TAFA4: variants seen among roughly 807,000 people sequenced by gnomAD.
The protein encoded by TAFA4 is TAFA chemokine like family member 4.
Under a neutral mutation model 21.1 loss-of-function variants are expected in TAFA4, and 20 were observed. The observed-to-expected ratio is 0.95, with a 90% CI of 0.67 to 1.38. TAFA4 has a LOEUF of 1.38. Among genes scored for constraint, TAFA4 ranks in the 40% most tolerant of loss-of-function variants. The pLI, the probability that TAFA4 is intolerant of heterozygous loss-of-function variation, is 0.00. For synonymous variants in TAFA4, 71 were observed against 67.4 expected (o/e 1.05, Z -0.26); for missense variants, 211 against 180.9 (o/e 1.17, Z -0.95).
At chr3:68,783,713 AAAAGAAAGAAAGAAAG>A (rs60548305) in intron 3 of TAFA4, among the ~76,000 whole-genome samples, 1 of 80,756 alleles carries the variant, frequency 1.2e-5, no homozygotes, top group Admixed American at 1.3e-4. Context: ...GAGAGAAAGA[AAAAGAAAGAAAGAAAG>A]AAAGAAAGAA....
chr3:68,841,333 A>T (rs966381624), intron 3 of TAFA4, among the ~76,000 whole-genome samples: 5 of 72,612 alleles, frequency 6.9e-5, no homozygotes, highest in East Asian at 2.6e-4. Flanking sequence ...AAAAAAAAAA[A>T]AAATAAAAAA....
At chr3:68,758,003 A>ATCTT (rs1702689231) in intron 3 of TAFA4, among the ~76,000 whole-genome samples, 2 of 152,078 alleles carry the variant, frequency 1.3e-5, no homozygotes, top group Admixed American at 6.5e-5. Flanking sequence ...CTCCGATTTT[A>ATCTT]TCTTTAAGAA....
intron 3 of TAFA4, among the ~76,000 whole-genome samples, chr3:68,759,935 C>T (rs578118444): frequency 5.3e-5 from 8 of 152,108 alleles, no homozygotes; most frequent in Non-Finnish European, 8.8e-5. Context: ...CCAACTCTTA[C>T]GTACAGCATA....
intron 3 of TAFA4, among the ~76,000 whole-genome samples, chr3:68,807,380 C>T (rs1045173324): frequency 6.6e-6 from 1 of 152,146 alleles, no homozygotes; most frequent in Admixed American, 6.6e-5. Context: ...TACCACGCAG[C>T]GGAAGCAATG....
At chr3:68,818,784 A>T (rs1704047094) in intron 3 of TAFA4, among the ~76,000 whole-genome samples, 1 of 152,208 alleles carries the variant, frequency 6.6e-6, no homozygotes, top group African/African-American at 2.4e-5. Context: ...CCCCAAAACA[A>T]TTACAATAGT....
intron 1 of TAFA4, among the ~76,000 whole-genome samples, chr3:68,901,242 A>G (rs1428573293): frequency 1.3e-5 from 2 of 152,078 alleles, no homozygotes; most frequent in Non-Finnish European, 2.9e-5. Flanking sequence ...TTCTATTTTT[A>G]GTTCCAAGAC....
intron 1 of TAFA4, among the ~76,000 whole-genome samples, chr3:68,889,778 G>A (rs1457404854): frequency 1.3e-5 from 2 of 151,968 alleles, no homozygotes; most frequent in African/African-American, 4.8e-5. Context: ...GGTCATGAAA[G>A]ACAAAAAAAA....
chr3:68,855,065 A>G (rs1344118953), intron 3 of TAFA4, among the ~76,000 whole-genome samples: 1 of 152,206 alleles, frequency 6.6e-6, no homozygotes, highest in Non-Finnish European at 1.5e-5. Context: ...AATGATAAGT[A>G]ACAAATGACT....
At chr3:68,915,982 T>C (rs2090000817) in intron 1 of TAFA4, 1 of 152,232 alleles carries the variant, frequency 6.6e-6, no homozygotes, top group Admixed American at 6.5e-5. Context: ...TATTTTTCTA[T>C]CTGCAAAGGC....
chr3:68,766,955 T>C (rs1702865830), intron 3 of TAFA4, among the ~76,000 whole-genome samples: 1 of 152,176 alleles, frequency 6.6e-6, no homozygotes, highest in African/African-American at 2.4e-5. Context: ...CTCATGCTTT[T>C]AAAAGTCTGA....
intron 3 of TAFA4, among the ~76,000 whole-genome samples, chr3:68,879,905 G>GGCAC (rs1303063662): frequency 3.3e-5 from 5 of 152,128 alleles, no homozygotes; most frequent in Admixed American, 2.0e-4. Context: ...AAACATTTCT[G>GGCAC]GCACTGCCAC....
chr3:68,739,301 C>T (rs1338186637), intron 4 of TAFA4, 102 bp from the exon 5 acceptor site: 12 of 1,372,834 alleles, frequency 8.7e-6, no homozygotes, highest in Non-Finnish European at 1.2e-5. Context: ...TCAAAGATTG[C>T]TATTAAATTT....
intron 3 of TAFA4, among the ~76,000 whole-genome samples, chr3:68,787,295 A>G (rs1170960442): frequency 1.3e-5 from 2 of 152,208 alleles, no homozygotes; most frequent in African/African-American, 2.4e-5. Context: ...TACACTCACT[A>G]TTAAAAGCTC....
chr3:68,828,352 C>G (rs527710306), intron 3 of TAFA4, among the ~76,000 whole-genome samples: 1 of 152,240 alleles, frequency 6.6e-6, no homozygotes, highest in African/African-American at 2.4e-5. Context: ...ATTGTCTTGC[C>G]TATACAGGGT....
At chr3:68,806,112 C>G (rs1381562222) in intron 3 of TAFA4, among the ~76,000 whole-genome samples, 1 of 152,036 alleles carries the variant, frequency 6.6e-6, no homozygotes, top group East Asian at 1.9e-4. Flanking sequence ...ATTGTGAACA[C>G]TGTAAAAAGC....
chr3:68,817,080 G>A (rs1380366499), intron 3 of TAFA4, among the ~76,000 whole-genome samples: 1 of 152,162 alleles, frequency 6.6e-6, no homozygotes, highest in African/African-American at 2.4e-5. Flanking sequence ...AGCATGTGAT[G>A]CTGTTTGAAA....
At chr3:68,829,302 G>A (rs1339531397) in intron 3 of TAFA4, among the ~76,000 whole-genome samples, 1 of 152,132 alleles carries the variant, frequency 6.6e-6, no homozygotes, top group Non-Finnish European at 1.5e-5. Context: ...AATGGGGAAA[G>A]GATTCCCTAT....
chr3:68,736,116 C>G (rs757790325), intron 5 of TAFA4, among the ~76,000 whole-genome samples: 1 of 152,102 alleles, frequency 6.6e-6, no homozygotes, highest in Non-Finnish European at 1.5e-5. Context: ...AAGTGATTTG[C>G]TTCTGCTCAC....
intron 1 of TAFA4, among the ~76,000 whole-genome samples, chr3:68,912,879 G>C (rs1182244361): frequency 6.6e-6 from 1 of 152,200 alleles, no homozygotes; most frequent in East Asian, 1.9e-4. Flanking sequence ...TTAATAAAAA[G>C]TAAGATATAG....
Sources: gnomAD v4.1 joint callset for allele counts (sites outside exome capture counted in the v4.1 genomes callset) on GRCh38, gnomAD v4.1.1 for gene constraint, MANE v1.5 for transcripts, NCBI Gene and HGNC (gene_info 2026-07-23, HGNC 2026-07-21) for gene names.